Variants in PARN observed in about 807,000 individuals in gnomAD.
PARN encodes poly(A)-specific ribonuclease PARN.
In PARN, 71 loss-of-function variants were observed where a neutral mutation model predicts 102.8. That is an observed-to-expected ratio of 0.69 (90% CI 0.57 to 0.84). The LOEUF is 0.84. Among genes scored for constraint, PARN ranks in the 40% least tolerant of loss-of-function variants. PARN has a pLI of 0.00. For synonymous variants in PARN, 261 were observed against 252.9 expected (o/e 1.03, Z -0.30); for missense variants, 782 against 760.9 (o/e 1.03, Z -0.33).
chr16:14,561,209 C>A (rs1050563994), intron 18 of PARN, among the ~76,000 whole-genome samples: 3 of 151,590 alleles, frequency 2.0e-5, no homozygotes, highest in Non-Finnish European at 2.9e-5. Context: ...TCCCAGGCTG[C>A]CTAAGAAGGC....
chr16:14,441,816 T>C (rs1960953948), intron 23 of PARN, among the ~76,000 whole-genome samples: 2 of 152,202 alleles, frequency 1.3e-5, no homozygotes, highest in African/African-American at 2.4e-5. Flanking sequence ...GCAGCAGCTG[T>C]AGATCTTGTT....
intron 5 of PARN, among the ~76,000 whole-genome samples, chr16:14,618,960 C>G (rs1972109369): frequency 6.6e-6 from 1 of 151,968 alleles, no homozygotes; most frequent in South Asian, 2.1e-4. Context: ...CTTAGGGAGG[C>G]CAAATGAGGA....
chr16:14,590,674 T>C (rs1233700311), intron 13 of PARN, among the ~76,000 whole-genome samples: 1 of 151,974 alleles, frequency 6.6e-6, no homozygotes, highest in African/African-American at 2.4e-5. Context: ...TCCATACCTT[T>C]TACACTTGTT....
chr16:14,557,141 T>C (rs1967741612), intron 18 of PARN, among the ~76,000 whole-genome samples: 2 of 152,198 alleles, frequency 1.3e-5, no homozygotes, highest in Non-Finnish European at 2.9e-5. Context: ...TAGATAACAA[T>C]ATATTATGCA....
chr16:14,486,986 C>G (rs1470619027), intron 21 of PARN, among the ~76,000 whole-genome samples: 2 of 152,262 alleles, frequency 1.3e-5, no homozygotes, highest in African/African-American at 4.8e-5. Flanking sequence ...AGTTCCCTCA[C>G]ATAAGAGTCT....
intron 17 of PARN, among the ~76,000 whole-genome samples, chr16:14,581,344 G>A (rs1386684940): frequency 2.0e-5 from 3 of 152,040 alleles, no homozygotes; most frequent in Non-Finnish European, 4.4e-5. Context: ...AAGCCACTGC[G>A]CCCGGCCTGT....
chr16:14,502,596 TCA>T, intron 21 of PARN, among the ~76,000 whole-genome samples: 1 of 152,342 alleles, frequency 6.6e-6, no homozygotes, highest in Non-Finnish European at 1.5e-5. Context: ...AAAACCAGTC[TCA>T]CACCCTAAAA....
Position 14,584,397 on chromosome 16 carries a change from G to C in PARN, c.1031C>G (p.Ala344Gly), listed in dbSNP as rs374213957. ...FKDIINNTSL[A>G]ELEKRLKETP... ...CTCTTTTAACCGCTTTTCCAATTCC[G>C]CAAGGGATGTGTTGTTAATGATATC... Residue 344 changes from alanine to glycine, a missense_variant, in exon 16 of 24, where the codon GCG becomes GGG. Ala to Gly is a moderately conservative substitution (Grantham distance 60, BLOSUM62 0). Coordinates refer to ENST00000437198, the MANE Select transcript of PARN (RefSeq NM_002582.4). 6.2e-7 allele frequency: 1 copy of C among 1,612,832 alleles called. No homozygotes were observed. Among genetic ancestry groups the C allele is most frequent in the African/African-American group, 1.3e-5 (1 of 74,834 alleles).
At position 14,599,916 on chromosome 16, in the gene PARN, G is replaced by T; in HGVS notation, c.828C>A (p.Ala276=). The T allele has an allele frequency of 2.5e-6, 4 of 1,601,850 alleles. No homozygotes were observed. Among genetic ancestry groups the T allele is most frequent in the South Asian group, 1.1e-5 (1 of 89,348 alleles). The change falls in exon 12 of 24, where the codon GCC becomes GCA. Residue 276 remains alanine, a synonymous_variant. Transcript: ENST00000437198. ...CTGGCTCACTTACCGAATTAGCAAT[G>T]GCGTGAATGACTCTAGAAAATCCCA... ...DAVGFSRVIH[A]IANSGKLVIG... is the part of the protein sequence containing the mutation.
chr16:14,580,763 A>G (rs1206436149), intron 18 of PARN, 111 bp downstream of exon 18: 21 of 607,804 alleles, frequency 3.5e-5, no homozygotes, highest in Admixed American at 5.1e-5. Flanking sequence ...GATGAAAAAC[A>G]GCTTATCTAA....
intron 21 of PARN, among the ~76,000 whole-genome samples, chr16:14,485,655 TC>T (rs1414543076): frequency 4.0e-5 from 6 of 151,644 alleles, no homozygotes; most frequent in Non-Finnish European, 7.4e-5. Flanking sequence ...CTATTTCAAT[TC>T]TTTTTTTTTT....
intron 5 of PARN, among the ~76,000 whole-genome samples, chr16:14,624,986 C>T (rs557172702): frequency 1.3e-5 from 2 of 151,898 alleles, no homozygotes; most frequent in African/African-American, 4.8e-5. Context: ...GGGCTTTAGC[C>T]TGGGCAACAA....
intron 21 of PARN, among the ~76,000 whole-genome samples, chr16:14,485,908 G>A (rs1047462153): frequency 1.3e-5 from 2 of 152,060 alleles, no homozygotes; most frequent in Non-Finnish European, 2.9e-5. Context: ...GGCTGGTCTC[G>A]AACTCCTGAG....
At chr16:14,493,707 G>A (rs892864922) in intron 21 of PARN, among the ~76,000 whole-genome samples, 4 of 152,186 alleles carry the variant, frequency 2.6e-5, no homozygotes, top group Admixed American at 6.5e-5. Context: ...CAGCAAAGGC[G>A]ACAATAAATA....
rs1944733842 is a variant in PARN at position 14,594,701 on chromosome 16, C to T, written c.841-1323G>A. ...ACTGCACTCCAGCCTGGGCGACAGT[C>T]AGACTCTGTCTTGGAAAAAAAAATC... On this transcript the variant is annotated intron_variant, in intron 12 of 23. Transcript: ENST00000437198. Among the ~76,000 whole-genome samples the T allele has an allele frequency of 2.0e-5, 3 of 152,008 alleles. No individual in the cohort carries two copies. The South Asian group carries it at 6.2e-4, about 31-fold the overall frequency.
intron 6 of PARN, among the ~76,000 whole-genome samples, chr16:14,615,416 C>T (rs1308039113): frequency 6.6e-6 from 1 of 151,836 alleles, no homozygotes; most frequent in Non-Finnish European, 1.5e-5. Flanking sequence ...GCATTTGGAA[C>T]TTATATTTTA....
chr16:14,448,872 T>C (rs1466151272), intron 22 of PARN, among the ~76,000 whole-genome samples: 1 of 152,188 alleles, frequency 6.6e-6, no homozygotes, highest in African/African-American at 2.4e-5. Context: ...AACATCTAAT[T>C]GAGGGACTAT....
At chr16:14,573,439 C>A (rs1393398730) in intron 18 of PARN, among the ~76,000 whole-genome samples, 2 of 152,086 alleles carry the variant, frequency 1.3e-5, no homozygotes, top group African/African-American at 4.8e-5. Context: ...AATTTTGTGT[C>A]CTTTGACCAA....
intron 18 of PARN, among the ~76,000 whole-genome samples, chr16:14,563,402 A>G (rs1968199946): frequency 6.6e-6 from 1 of 152,144 alleles, no homozygotes; most frequent in Admixed American, 6.6e-5. Context: ...GTACCATGAC[A>G]GATCTGGCTG....
Sources: gnomAD v4.1 joint callset for allele counts (sites outside exome capture counted in the v4.1 genomes callset) on GRCh38, gnomAD v4.1.1 for gene constraint, MANE v1.5 for transcripts, NCBI Gene and HGNC (gene_info 2026-07-23, HGNC 2026-07-21) for gene names.